PYROXD2: variants seen among roughly 807,000 people sequenced by gnomAD.
PYROXD2 encodes the protein pyridine nucleotide-disulfide oxidoreductase domain-containing protein 2.
PYROXD2 carries 69 observed loss-of-function variants against 71.1 expected under a neutral mutation model. The ratio of observed to expected loss-of-function variants is 0.97; its 90% confidence interval spans 0.80 to 1.19. PYROXD2 has a LOEUF of 1.19. Among genes scored for constraint, PYROXD2 ranks in the 50% most tolerant of loss-of-function variants. The probability of loss-of-function intolerance (pLI) is 0.00; values close to 1 mark genes in which losing one functional copy is unlikely to be tolerated. For synonymous variants in PYROXD2, 287 were observed against 302.7 expected, an observed-to-expected ratio of 0.95 and a Z score of 0.54; for missense variants, 745 against 748.9, an observed-to-expected ratio of 0.99 and a Z score of 0.06.
intron 5 of PYROXD2, 75 bp downstream of exon 5, chr10:98,400,027 T>A: frequency 6.4e-7 from 1 of 1,556,328 alleles, no homozygotes; most frequent in Non-Finnish European, 8.7e-7. Context: ...GAACAATTGT[T>A]CTAGGACAAT....
chr10:98,402,377 A>C (rs1843443813), intron 4 of PYROXD2, among the ~76,000 whole-genome samples: 1 of 152,254 alleles, frequency 6.6e-6, no homozygotes, highest in South Asian at 2.1e-4. Flanking sequence ...TAAATTTAGA[A>C]AGACACAATC....
chr10:98,386,327 GAGGAAGGAAGGAAGGA>G (rs57195135), intron 14 of PYROXD2, among the ~76,000 whole-genome samples: 4 of 134,844 alleles, frequency 3.0e-5, no homozygotes, highest in Non-Finnish European at 6.0e-5. Flanking sequence ...GGAAGGGAGG[GAGGAAGGAAGGAAGGA>G]AGGAAGGAAG....
chr10:98,407,225 C>G (rs1480945039), intron 4 of PYROXD2, among the ~76,000 whole-genome samples: 3 of 152,168 alleles, frequency 2.0e-5, no homozygotes, highest in Admixed American at 1.3e-4. Context: ...AGGGAAGCAG[C>G]TCTCAAGTTC....
chr10:98,403,319 G>A (rs921048259), intron 4 of PYROXD2, among the ~76,000 whole-genome samples: 1 of 152,188 alleles, frequency 6.6e-6, no homozygotes, highest in Admixed American at 6.5e-5. Flanking sequence ...ATCTGTGCGC[G>A]TCTCTCCAAG....
At chr10:98,400,596 C>G (rs889387190) in intron 4 of PYROXD2, among the ~76,000 whole-genome samples, 2 of 151,996 alleles carry the variant, frequency 1.3e-5, no homozygotes, top group African/African-American at 4.8e-5. Context: ...ATACCACACC[C>G]TACCACACCA....
intron 14 of PYROXD2, 132 bp downstream of exon 14, chr10:98,387,069 G>A (rs1362393892): frequency 1.3e-5 from 8 of 637,330 alleles, no homozygotes; most frequent in Middle Eastern, 4.0e-4. Flanking sequence ...CTCAGCCGGG[G>A]TCCCTGCCAC....
intron 5 of PYROXD2, among the ~76,000 whole-genome samples, chr10:98,398,834 T>A (rs975067028): frequency 1.3e-5 from 2 of 152,114 alleles, no homozygotes; most frequent in African/African-American, 4.8e-5. Flanking sequence ...GAAGCACTTT[T>A]AAAAAAGCTA....
rs765428848 is a variant in PYROXD2 at position 98,387,282 on chromosome 10, G to C, written c.1473C>G (p.Ala491=). 6.2e-7 allele frequency: 1 copy of C among 1,614,010 alleles called. No individual in the cohort carries two copies. The highest frequency in any genetic ancestry group is 8.5e-7 in the Non-Finnish European group (1 of 1,179,964). ...CAACCACAGAGTCCTTGAAGCCAGGGGCATAGACCTCGATGCAATCAAACA... is the reference window on the plus strand; with the variant it reads ...CAACCACAGAGTCCTTGAAGCCAGGCGCATAGACCTCGATGCAATCAAACA... ...DRVFDCIEVY[A]PGFKDSVVGR... is the part of the protein sequence containing the mutation. The change falls in exon 14 of 16, where the codon GCC becomes GCG. Residue 491 remains alanine (A), a synonymous_variant. Coordinates refer to ENST00000370575, the MANE Select transcript of PYROXD2 (RefSeq NM_032709.3).
chr10:98,412,136 T>A (rs1843807963), intron 1 of PYROXD2, among the ~76,000 whole-genome samples: 2 of 152,220 alleles, frequency 1.3e-5, no homozygotes, highest in Non-Finnish European at 2.9e-5. Context: ...ATGAGATAAA[T>A]GGGAGCTATT....
chr10:98,390,842 G>T, intron 11 of PYROXD2, 88 bp from the exon 12 acceptor site: 1 of 1,492,646 alleles, frequency 6.7e-7, no homozygotes, highest in Non-Finnish European at 9.1e-7. Flanking sequence ...TGGCGGACGG[G>T]AGTAGGAAAG....
chr10:98,393,212 C>A (rs1303043609), intron 8 of PYROXD2, 129 bp from the exon 9 acceptor site: 3 of 713,592 alleles, frequency 4.2e-6, no homozygotes, highest in Admixed American at 5.7e-5. Flanking sequence ...CTCCCAGCAG[C>A]CTTCAATGAG....
At chr10:98,395,535 A>T in intron 6 of PYROXD2, 83 bp from the exon 7 acceptor site, 1 of 1,251,256 alleles carries the variant, frequency 8.0e-7, no homozygotes, top group African/African-American at 1.5e-5. Flanking sequence ...AAAAGCATGG[A>T]GGATGCTGAG....
At chr10:98,405,117 C>G (rs536604503) in intron 4 of PYROXD2, among the ~76,000 whole-genome samples, 1 of 152,312 alleles carries the variant, frequency 6.6e-6, no homozygotes, top group South Asian at 2.1e-4. Flanking sequence ...CCCTTCTCCA[C>G]CAGTGCAAAG....
intron 5 of PYROXD2, among the ~76,000 whole-genome samples, chr10:98,397,842 A>C (rs1843244011): frequency 6.6e-6 from 1 of 151,230 alleles, no homozygotes. Context: ...TAAATCATGA[A>C]ACCACTTAGA....
chr10:98,386,723 T>G (rs1842766900), intron 14 of PYROXD2, among the ~76,000 whole-genome samples: 1 of 152,092 alleles, frequency 6.6e-6, no homozygotes, highest in East Asian at 1.9e-4. Context: ...GCGGGGTTTT[T>G]GTTTTTGTAG....
intron 12 of PYROXD2, among the ~76,000 whole-genome samples, chr10:98,389,887 G>C (rs1842890300): frequency 6.6e-6 from 1 of 152,192 alleles, no homozygotes; most frequent in Non-Finnish European, 1.5e-5. Context: ...GCACAGAATA[G>C]AGACCCCAGA....
chr10:98,395,171 G>T, intron 8 of PYROXD2, 25 bp downstream of exon 8: 1 of 1,593,552 alleles, frequency 6.3e-7, no homozygotes, highest in Non-Finnish European at 8.6e-7. Flanking sequence ...CCACTCCTGT[G>T]TCCCACCTCA....
chr10:98,397,506 A>G lies in PYROXD2; in HGVS notation c.472-8T>C. The G allele has an allele frequency of 6.3e-7, 1 of 1,588,256 alleles. No individual in the cohort carries two copies. On this transcript the variant is annotated splice_region_variant and splice_polypyrimidine_tract_variant and intron_variant, in intron 5 of 15. Transcript: ENST00000370575. Reference sequence around the variant, plus strand: ...CTCATATTTGGGAAAGACCTGGAACAGAGCTCTGCATTAAGGCCCCACTGT... The same window carrying G: ...CTCATATTTGGGAAAGACCTGGAACGGAGCTCTGCATTAAGGCCCCACTGT...
intron 5 of PYROXD2, among the ~76,000 whole-genome samples, chr10:98,399,077 G>A (rs1282284930): frequency 1.3e-5 from 2 of 152,060 alleles, no homozygotes; most frequent in Non-Finnish European, 2.9e-5. Flanking sequence ...GGAGGCAGAG[G>A]TTACAGTGAG....
Sources: allele counts gnomAD v4.1 joint callset (sites outside exome capture counted in the v4.1 genomes callset), GRCh38; gene constraint gnomAD v4.1.1; transcripts MANE v1.5; gene names NCBI Gene and HGNC (gene_info 2026-07-23, HGNC 2026-07-21).